The following DOCK11 variants were observed in gnomAD, a reference collection of about 807,000 sequenced individuals.
The protein encoded by DOCK11 is dedicator of cytokinesis protein 11.
Under a neutral mutation model 169.1 loss-of-function variants are expected in DOCK11, and 70 were observed. The ratio of observed to expected loss-of-function variants is 0.41; its 90% CI spans 0.34 to 0.51. DOCK11 has a LOEUF of 0.51. DOCK11 is among the 20% of genes least tolerant of loss of function. The probability of loss-of-function intolerance (pLI) is 0.10; values close to 1 mark genes in which losing one functional copy is unlikely to be tolerated. For missense variants in DOCK11, 1,166 were observed against 1,538.8 expected, an observed-to-expected ratio of 0.76 and a Z score of 4.05; for synonymous variants, 529 against 541.3, an observed-to-expected ratio of 0.98 and a Z score of 0.32.
At chrX:118,512,870 C>T (rs2147313315) in intron 1 of DOCK11, among the ~76,000 whole-genome samples, 1 of 112,124 alleles carries the variant, frequency 8.9e-6, no homozygotes, top group East Asian at 2.8e-4. Context: ...ACTCTGAGCC[C>T]TTGTGACCTT....
At position 118,584,809 on chromosome X, in the gene DOCK11, G is replaced by A. The variant is rs1250948785; in HGVS notation, c.1670G>A (p.Ser557Asn). 1 of 1,201,360 alleles carries A rather than the reference G, an allele frequency of 8.3e-7. No individual in the cohort carries two copies. Among genetic ancestry groups the A allele is most frequent in the Non-Finnish European group, 1.1e-6 (1 of 891,354 alleles). ...TCTCCTCTGTATAAACAAGACAGTA[G>A]CAAGCTTTCAAGTGAAGACATTCTC... Reference protein sequence around the residue: ...RFSPLYKQDSSKLSSEDILKL... With the variant: ...RFSPLYKQDSNKLSSEDILKL... Residue 557 changes from serine to asparagine, a missense_variant, in exon 15 of 53, where the codon AGC becomes AAC. By Grantham distance (46) the Ser-to-Asn change is conservative. Transcript: ENST00000276202.
chrX:118,535,389 A>T (rs762260185), intron 1 of DOCK11, among the ~76,000 whole-genome samples: 4 of 111,997 alleles, frequency 3.6e-5, no homozygotes, highest in Non-Finnish European at 7.5e-5. Context: ...AGATGAGATC[A>T]TAGATATAAA....
intron 1 of DOCK11, among the ~76,000 whole-genome samples, chrX:118,497,725 T>TA (rs2057547089): frequency 8.9e-6 from 1 of 112,115 alleles, no homozygotes. Context: ...AACGCTTTCC[T>TA]AAATTCAGAG....
At chrX:118,616,110 A>G in intron 30 of DOCK11, 2 of 499,968 alleles carry the variant, frequency 4.0e-6, no homozygotes, top group Non-Finnish European at 5.6e-6. Context: ...AGTTATCTCC[A>G]TTGCTAGTTT....
intron 7 of DOCK11, among the ~76,000 whole-genome samples, chrX:118,564,553 T>A (rs1245689141): frequency 8.9e-6 from 1 of 112,227 alleles, no homozygotes; most frequent in Admixed American, 9.4e-5. Flanking sequence ...ACAGGTTACT[T>A]CCATGTATTT....
At chrX:118,528,989 C>CT (rs1290132597) in intron 1 of DOCK11, among the ~76,000 whole-genome samples, 91 of 101,895 alleles carry the variant, frequency 8.9e-4, no homozygotes, top group Admixed American at 2.0e-3. Flanking sequence ...TCTTTTTTTT[C>CT]TTTTTTTTTT....
intron 23 of DOCK11, among the ~76,000 whole-genome samples, chrX:118,604,521 CTTTTTTTTTTTTTTTT>C (rs74504860): frequency 1.0e-4 from 4 of 38,183 alleles, no homozygotes; most frequent in East Asian, 2.1e-3. Flanking sequence ...GGTTTGTTTC[CTTTTTTTTTTTTTTTT>C]TTTTTTTTTT....
At chrX:118,648,578 TATAA>T (rs1319035318) in intron 40 of DOCK11, among the ~76,000 whole-genome samples, 1 of 91,428 alleles carries the variant, frequency 1.1e-5, no homozygotes, top group East Asian at 3.0e-4. Flanking sequence ...TATACATATA[TATAA>T]ATATATAATA....
chrX:118,636,196 T>C lies in DOCK11; in HGVS notation c.3887-150T>C, dbSNP rs751670300. The C allele has an allele frequency of 9.8e-6, 3 of 305,683 alleles. No homozygotes were observed. The South Asian group carries it at 3.0e-4, about 31-fold the overall frequency. The allele number at this position is 305,683 out of a possible 1,213,427, so 25.2% of individuals were successfully genotyped here. ...TTAATTCAAAAGAATACAGAGTGTATACTGCGCAGTGGGAGGGGAGAGGAG... is the reference window on the plus strand; with the variant it reads ...TTAATTCAAAAGAATACAGAGTGTACACTGCGCAGTGGGAGGGGAGAGGAG... On this transcript the variant is annotated intron_variant, in intron 35 of 52. Transcript: ENST00000276202.
At chrX:118,684,092 G>A (rs1225886564) in intron 52 of DOCK11, among the ~76,000 whole-genome samples, 1 of 110,989 alleles carries the variant, frequency 9.0e-6, no homozygotes, top group Admixed American at 9.7e-5. Context: ...ATACTGAGAA[G>A]TAAGACAAGT....
chrX:118,571,761 T>A, intron 10 of DOCK11, among the ~76,000 whole-genome samples: 1 of 111,370 alleles, frequency 9.0e-6, no homozygotes, highest in South Asian at 3.8e-4. Flanking sequence ...GAAAGATAAA[T>A]GAGAGAAAGG....
At chrX:118,638,533 A>G (rs935328848) in intron 37 of DOCK11, among the ~76,000 whole-genome samples, 8 of 112,175 alleles carry the variant, frequency 7.1e-5, no homozygotes, top group African/African-American at 1.3e-4. Context: ...TACATTATCT[A>G]TTTCCTCTTT....
intron 7 of DOCK11, among the ~76,000 whole-genome samples, chrX:118,563,703 T>A (rs1456856316): frequency 9.3e-6 from 1 of 107,886 alleles, no homozygotes; most frequent in Non-Finnish European, 1.9e-5. Context: ...ATTTAAAAAA[T>A]TTTTTTCTTT....
intron 14 of DOCK11, among the ~76,000 whole-genome samples, chrX:118,581,524 C>A (rs2013632245): frequency 9.0e-6 from 1 of 111,409 alleles, no homozygotes; most frequent in African/African-American, 3.3e-5. Flanking sequence ...CTGGGCACGG[C>A]TGGGTGCAGT....
At chrX:118,532,112 A>C (rs1171763975) in intron 1 of DOCK11, among the ~76,000 whole-genome samples, 9 of 108,291 alleles carry the variant, frequency 8.3e-5, no homozygotes, top group Non-Finnish European at 1.7e-4. Context: ...GAGGATGTGT[A>C]ATAAAAAAAA....
At chrX:118,554,964 A>C (rs2012631245) in intron 6 of DOCK11, among the ~76,000 whole-genome samples, 1 of 111,888 alleles carries the variant, frequency 8.9e-6, no homozygotes, top group African/African-American at 3.2e-5. Context: ...AGATGTTAGC[A>C]ATTGTTGTTA....
chrX:118,503,500 G>A lies in DOCK11; in HGVS notation c.102+7427G>A, dbSNP rs902752489. Among the ~76,000 whole-genome samples, 29 of 112,003 alleles carry A rather than the reference G, an allele frequency of 2.6e-4. No homozygotes were observed. The Middle Eastern group carries it at 0.014, about 53-fold the overall frequency. On this transcript the variant is annotated intron_variant, in intron 1 of 52. Transcript: ENST00000276202. Reference sequence around the variant, plus strand: ...GAGGAAGAAAGAGAGGAAGAGCGGAGGTGGAGTCAAGATAATTTTGAGGTT... The same window carrying A: ...GAGGAAGAAAGAGAGGAAGAGCGGAAGTGGAGTCAAGATAATTTTGAGGTT...
At chrX:118,578,217 A>T (rs1294810) in intron 12 of DOCK11, among the ~76,000 whole-genome samples, 48,901 of 110,765 alleles carry the variant, frequency 0.44, 8,431 homozygotes, top group African/African-American at 0.62. Context: ...TTAAAAATGT[A>T]TATCTAGTTC....
Position 118,681,729 on chromosome X carries a change from C to T in DOCK11, c.5898C>T (p.Phe1966=). 7.5e-6 allele frequency: 9 copies of T among 1,206,273 alleles called. No homozygotes were observed. Among genetic ancestry groups the T allele is most frequent in the Non-Finnish European group, 1.0e-5 (9 of 893,067 alleles). The change falls in exon 51 of 53, where the codon TTC becomes TTT. Residue 1966 remains phenylalanine, a synonymous_variant. Transcript: ENST00000276202. ...NAGPLAYARA[F]LNDSQASKYP... is the part of the protein sequence containing the mutation. The stretch of plus-strand genomic sequence containing the variant: ...GTCCATTAGCATATGCAAGAGCTTT[C>T]TTAAATGACAGCCAAGCTAGCAAGT...
Sources: gnomAD v4.1 joint callset for allele counts (sites outside exome capture counted in the v4.1 genomes callset) on GRCh38, gnomAD v4.1.1 for gene constraint, MANE v1.5 for transcripts, NCBI Gene and HGNC (gene_info 2026-07-23, HGNC 2026-07-21) for gene names.